Variants in VWA8 observed in about 807,000 individuals in gnomAD.
VWA8 encodes von Willebrand factor A domain-containing protein 8.
VWA8 carries 221 observed loss-of-function variants against 241.5 expected under a neutral mutation model. The ratio of observed to expected loss-of-function variants is 0.91; its 90% CI spans 0.82 to 1.02. The LOEUF is 1.02. Among genes scored for constraint, VWA8 ranks in the 50% least tolerant of loss-of-function variants. VWA8 has a pLI of 0.00. For synonymous variants in VWA8, 852 were observed against 827.1 expected (o/e 1.03, Z -0.52); for missense variants, 2,322 against 2,328.7 (o/e 1.00, Z 0.06).
chr13:41,783,951 G>A, intron 18 of VWA8, 50 bp from the exon 19 acceptor site: 1 of 1,420,686 alleles, frequency 7.0e-7, no homozygotes, highest in East Asian at 2.3e-5. Context: ...TGTCCTCAGA[G>A]ATGCCAAGCC....
intron 38 of VWA8, among the ~76,000 whole-genome samples, chr13:41,612,779 TATATTATG>T (rs2044598161): frequency 6.6e-6 from 1 of 152,126 alleles, no homozygotes; most frequent in South Asian, 2.1e-4. Flanking sequence ...TATTGTAGAG[TATATTATG>T]ATATAGTTAA....
chr13:41,719,369 C>T (rs1311817259), intron 26 of VWA8: 9 of 1,362,122 alleles, frequency 6.6e-6, no homozygotes, highest in Non-Finnish European at 6.6e-6. Context: ...TTATTTATTA[C>T]ATCTACTCAT....
chr13:41,685,979 G>A (rs1484082887), intron 34 of VWA8, among the ~76,000 whole-genome samples: 3 of 152,232 alleles, frequency 2.0e-5, no homozygotes, highest in African/African-American at 7.2e-5. Flanking sequence ...TCATAGTGAA[G>A]TCCTTAGCCT....
At chr13:41,891,191 T>C (rs1874819429) in intron 5 of VWA8, among the ~76,000 whole-genome samples, 1 of 143,642 alleles carries the variant, frequency 7.0e-6, no homozygotes, top group African/African-American at 2.6e-5. Context: ...AGAATAGTTA[T>C]TAGACTGACC....
rs144851098 is a variant in VWA8, at chr13:41,883,479, T to C, written c.988A>G (p.Met330Val). The C allele has an allele frequency of 9.3e-6, 15 of 1,612,848 alleles. No individual in the cohort carries two copies. The highest frequency in any genetic ancestry group is 1.1e-5 in the Non-Finnish European group (13 of 1,179,274). ...TGGATTGCATGTTTGATTGGCATCA[T>C]AGGAAAGGAATCCTATGTAGGAGCA... Reference protein sequence around the residue: ...AAVQILDSFPMMPIKHAIQWL... With the variant: ...AAVQILDSFPVMPIKHAIQWL... The change falls in exon 9 of 45, where the codon ATG (methionine) becomes GTG (valine). Residue 330 changes from methionine (M) to valine (V), a missense_variant. Coordinates refer to ENST00000379310, the MANE Select transcript of VWA8 (RefSeq NM_015058.2).
intron 35 of VWA8, among the ~76,000 whole-genome samples, chr13:41,678,324 A>T (rs1040833657): frequency 6.6e-6 from 1 of 152,224 alleles, no homozygotes; most frequent in Non-Finnish European, 1.5e-5. Context: ...TCAAGTGGCC[A>T]TTTGCACAAA....
intron 21 of VWA8, among the ~76,000 whole-genome samples, chr13:41,741,694 T>C (rs1052393200): frequency 6.6e-6 from 1 of 152,242 alleles, no homozygotes; most frequent in African/African-American, 2.4e-5. Flanking sequence ...TATTAAATAC[T>C]AATTATAAAA....
intron 12 of VWA8, among the ~76,000 whole-genome samples, chr13:41,848,548 T>C (rs147592051): frequency 5.8e-4 from 88 of 152,256 alleles, no homozygotes; most frequent in Non-Finnish European, 1.2e-3. Flanking sequence ...TGAGATATGA[T>C]GGTTTTATAA....
At chr13:41,679,781 A>G (rs2045085234) in intron 35 of VWA8, among the ~76,000 whole-genome samples, 4 of 152,152 alleles carry the variant, frequency 2.6e-5, no homozygotes, top group African/African-American at 7.2e-5. Context: ...TTCATCAGAG[A>G]TCTACATGCA....
At chr13:41,770,901 C>CAAAAAAAAAA (rs71096541) in intron 20 of VWA8, among the ~76,000 whole-genome samples, 11 of 98,350 alleles carry the variant, frequency 1.1e-4, no homozygotes, top group East Asian at 5.8e-4. Flanking sequence ...CTTAAAATGA[C>CAAAAAAAAAA]AAAAAAAAAA....
At chr13:41,898,458 T>C (rs1875246430) in intron 4 of VWA8, among the ~76,000 whole-genome samples, 1 of 152,228 alleles carries the variant, frequency 6.6e-6, no homozygotes, top group South Asian at 2.1e-4. Flanking sequence ...TTACAATCCC[T>C]GAGCTAGACA....
At chr13:41,895,913 A>C (rs1743189704) in intron 4 of VWA8, among the ~76,000 whole-genome samples, 1 of 151,776 alleles carries the variant, frequency 6.6e-6, no homozygotes, top group Admixed American at 6.6e-5. Context: ...TAATGTAAAA[A>C]AAACCAATTA....
chr13:41,818,027 A>T (rs2137982957), intron 15 of VWA8, among the ~76,000 whole-genome samples: 1 of 150,660 alleles, frequency 6.6e-6, no homozygotes, highest in East Asian at 2.0e-4. Flanking sequence ...CAGTGGTGTG[A>T]TCTCGGCTCA....
chr13:41,676,267 G>C (rs746529721), intron 35 of VWA8, among the ~76,000 whole-genome samples: 5 of 152,092 alleles, frequency 3.3e-5, no homozygotes, highest in Non-Finnish European at 7.4e-5. Context: ...GCATTATTTT[G>C]GTTGTATCTG....
intron 38 of VWA8, among the ~76,000 whole-genome samples, chr13:41,614,729 G>A (rs1057298883): frequency 6.6e-6 from 1 of 152,180 alleles, no homozygotes; most frequent in African/African-American, 2.4e-5. Context: ...GACTGATGAA[G>A]CAACTCCAGG....
chr13:41,596,006 A>T (rs1034354790), intron 40 of VWA8, among the ~76,000 whole-genome samples: 3 of 152,054 alleles, frequency 2.0e-5, no homozygotes, highest in Admixed American at 2.0e-4. Context: ...GCTTAAAATA[A>T]TTTTTTTAGC....
chr13:41,634,849 C>A (rs749421297), intron 37 of VWA8, among the ~76,000 whole-genome samples: 1 of 152,094 alleles, frequency 6.6e-6, no homozygotes, highest in East Asian at 1.9e-4. Flanking sequence ...TATTTTTATA[C>A]GATTTTATTA....
chr13:41,614,916 G>T, intron 38 of VWA8, 60 bp downstream of exon 38: 1 of 1,534,132 alleles, frequency 6.5e-7, no homozygotes, highest in Non-Finnish European at 9.0e-7. Context: ...CGATGTGCTG[G>T]CCTAATGGGC....
chr13:41,628,004 A>G (rs2044703862), intron 37 of VWA8, among the ~76,000 whole-genome samples: 1 of 151,954 alleles, frequency 6.6e-6, no homozygotes, highest in Non-Finnish European at 1.5e-5. Flanking sequence ...TAGGGCATAC[A>G]CCGAGTAAAT....
Sources: gnomAD v4.1 joint callset for allele counts (sites outside exome capture counted in the v4.1 genomes callset) on GRCh38, gnomAD v4.1.1 for gene constraint, MANE v1.5 for transcripts, NCBI Gene and HGNC (gene_info 2026-07-23, HGNC 2026-07-21) for gene names.